Variants in LRP5 observed in about 807,000 individuals in gnomAD.
The protein encoded by LRP5 is LDL receptor related protein 5, also known as low-density lipoprotein receptor-related protein 5.
In LRP5, 62 loss-of-function variants were observed where a neutral mutation model predicts 154.1. That is an observed-to-expected ratio of 0.40 (90% CI 0.33 to 0.50). LRP5 has a LOEUF of 0.50. Ranked by LOEUF, LRP5 falls within the 20% of genes least tolerant of loss-of-function variation. LRP5 has a pLI of 0.55. For missense variants in LRP5, 1,915 were observed against 2,336.7 expected (o/e 0.82, Z 3.72); for synonymous variants, 966 against 1,011.5 (o/e 0.96, Z 0.85).
At chr11:68,431,269 C>T (rs1420165141) in intron 17 of LRP5, among the ~76,000 whole-genome samples, 4 of 127,950 alleles carry the variant, frequency 3.1e-5, no homozygotes, top group Admixed American at 9.2e-5. Flanking sequence ...GATGGAGTCT[C>T]GCTTTTTTCG....
rs1335197449 is a variant in LRP5 at position 68,386,649 on chromosome 11, G to A, written c.1349G>A (p.Arg450His). 5 of 1,613,438 alleles carry A rather than the reference G, an allele frequency of 3.1e-6. No homozygotes were observed. Among genetic ancestry groups the A allele is most frequent in the South Asian group, 1.1e-5 (1 of 91,082 alleles). The change falls in exon 6 of 23, where the codon CGC becomes CAC. Residue 450 changes from arginine (R) to histidine (H), a missense_variant. By Grantham distance (29) the Arg-to-His change is conservative (BLOSUM62 0). Around this residue, in one of 3 missense-constraint regions of LRP5, gnomAD observed 773 missense variants for 1,100.9 expected, o/e 0.70. Transcript: ENST00000294304. This position sits in a 1 kb window ranked among gnomAD's most constrained non-coding sequence, Gnocchi z 7.9. ...GTGACGCGCCTCAACGGCACCTCCCGCAAGATCCTGGTGTCGGAGGACCTG... is the reference window on the plus strand; with the variant it reads ...GTGACGCGCCTCAACGGCACCTCCCACAAGATCCTGGTGTCGGAGGACCTG... ...IEVTRLNGTS[R>H]KILVSEDLDE...
intron 18 of LRP5, among the ~76,000 whole-genome samples, chr11:68,434,854 G>A (rs375940168): frequency 5.9e-5 from 9 of 152,292 alleles, no homozygotes; most frequent in African/African-American, 2.2e-4. Context: ...TTCACAAAGA[G>A]CAGACATTTC....
chr11:68,306,207 C>T, the LRP5 span, among the ~76,000 whole-genome samples: 2 of 152,194 alleles, frequency 1.3e-5, no homozygotes, highest in African/African-American at 2.4e-5. Flanking sequence ...GCGATCTTGG[C>T]TCACTGCAAC....
chr11:68,304,217 C>T, the LRP5 span, among the ~76,000 whole-genome samples: 1 of 152,238 alleles, frequency 6.6e-6, no homozygotes, highest in Non-Finnish European at 1.5e-5. Flanking sequence ...ACACTGCTCC[C>T]TGCCTGCATC....
intron 8 of LRP5, 149 bp downstream of exon 8, chr11:68,403,848 G>T: frequency 1.1e-6 from 1 of 884,758 alleles, no homozygotes. Context: ...TCTGGCCAAG[G>T]ACAGATGGGA....
chr11:68,306,060 A>G, the LRP5 span, among the ~76,000 whole-genome samples: 1 of 152,146 alleles, frequency 6.6e-6, no homozygotes, highest in African/African-American at 2.4e-5. Flanking sequence ...TTGTGGCTGC[A>G]TGGCTCCAAC....
At chr11:68,311,283 T>TGGCC (rs962374895), upstream of LRP5, among the ~76,000 whole-genome samples, 1 of 152,212 alleles carries the variant, frequency 6.6e-6, no homozygotes, top group African/African-American at 2.4e-5. Flanking sequence ...TGGCCCTGGC[T>TGGCC]GGCCTCTCCT....
intron 1 of LRP5, among the ~76,000 whole-genome samples, chr11:68,323,802 A>G (rs1234139021): frequency 2.0e-5 from 3 of 152,238 alleles, no homozygotes. Flanking sequence ...GAACACGAAG[A>G]GAGTGTCACC....
At chr11:68,416,209 G>A (rs1591301437) in intron 12 of LRP5, 119 bp from the exon 13 acceptor site, 4 of 832,836 alleles carry the variant, frequency 4.8e-6, no homozygotes, top group Admixed American at 1.8e-5. Flanking sequence ...CGTCTTTCCC[G>A]TGGACCTCCA....
intron 2 of LRP5, among the ~76,000 whole-genome samples, chr11:68,352,082 G>A (rs1021763917): frequency 1.3e-5 from 2 of 152,176 alleles, no homozygotes; most frequent in African/African-American, 4.8e-5. Context: ...GGCATCCCCT[G>A]GTGGCTGGAG....
intron 3 of LRP5, among the ~76,000 whole-genome samples, chr11:68,361,359 G>A (rs182178692): frequency 1.1e-4 from 17 of 150,536 alleles, no homozygotes; most frequent in South Asian, 2.1e-4. Flanking sequence ...AAGTAAGGCC[G>A]GGCGTGGTGG....
chr11:68,436,224 G>A (rs1391599377), intron 18 of LRP5, among the ~76,000 whole-genome samples: 4 of 152,182 alleles, frequency 2.6e-5, no homozygotes, highest in Admixed American at 2.6e-4. Flanking sequence ...TACAAGGACA[G>A]GGTCCCCTTA....
chr11:68,373,824 C>T (rs1307188605), intron 5 of LRP5, among the ~76,000 whole-genome samples: 2 of 152,252 alleles, frequency 1.3e-5, no homozygotes, highest in African/African-American at 4.8e-5. Context: ...GCCACCCCTC[C>T]AGCCCCATCC....
intron 10 of LRP5, 120 bp downstream of exon 10, chr11:68,410,260 C>A: frequency 1.2e-6 from 1 of 813,128 alleles, no homozygotes; most frequent in African/African-American, 1.7e-5. Context: ...GCTGTACTGA[C>A]GTCATTAGCC....
At chr11:68,300,944 GAGA>G in the LRP5 span, among the ~76,000 whole-genome samples, 1 of 143,986 alleles carries the variant, frequency 6.9e-6, no homozygotes, top group East Asian at 2.0e-4. Context: ...TTATTTTTTT[GAGA>G]GAGAGTTTCG....
intron 2 of LRP5, among the ~76,000 whole-genome samples, chr11:68,348,695 G>C (rs1034260672): frequency 7.9e-5 from 12 of 152,276 alleles, no homozygotes; most frequent in African/African-American, 2.7e-4. Context: ...TGTAATCCCA[G>C]CACTCTGGGA....
At chr11:68,344,146 A>G (rs2098610788) in intron 1 of LRP5, among the ~76,000 whole-genome samples, 1 of 152,114 alleles carries the variant, frequency 6.6e-6, no homozygotes, top group Non-Finnish European at 1.5e-5. Flanking sequence ...TGTGAGCTGC[A>G]TAGTTGTCGC....
rs1264851749 is a variant in LRP5, at chr11:68,409,062, A to AT, written c.2092-852_2092-851insT. On this transcript the variant is annotated intron_variant, in intron 9 of 22. Coordinates refer to ENST00000294304, the MANE Select transcript of LRP5 (RefSeq NM_002335.4). The stretch of plus-strand genomic sequence containing the variant: ...AAGACTTATCTGGGGAAAAAAAAAA[A>AT]AAAAAAAAAAAATATATATATATAT... Among the ~76,000 whole-genome samples the AT allele has an allele frequency of 8.6e-4, 32 of 37,090 alleles. 1 individual carries two copies. The highest frequency in any genetic ancestry group is 2.5e-3 in the African/African-American group (30 of 11,922). 24.3% of individuals were successfully genotyped at this position (37,090 alleles called of 152,430 possible). A position where few individuals can be genotyped will look rare whatever the true frequency, so the allele number is the denominator to read the frequency against.
chr11:68,401,641 C>T lies in LRP5; in HGVS notation c.1585-1842C>T, dbSNP rs150345245. Reference sequence around the variant, plus strand: ...GAGCCCCTTGGGGGCAGAGCTGAGGCGGGGCCTGGCTTTGGGTCCCAGAGC... The same window carrying T: ...GAGCCCCTTGGGGGCAGAGCTGAGGTGGGGCCTGGCTTTGGGTCCCAGAGC... On this transcript the variant is annotated intron_variant, in intron 7 of 22. Coordinates refer to ENST00000294304, the MANE Select transcript of LRP5 (RefSeq NM_002335.4). Among the ~76,000 whole-genome samples, 836 of 152,158 alleles carry T rather than the reference C, an allele frequency of 5.5e-3. 7 individuals are homozygous for T. The highest frequency in any genetic ancestry group is 0.051 in the Middle Eastern group (15 of 294).
Sources: gnomAD v4.1 joint callset for allele counts (sites outside exome capture counted in the v4.1 genomes callset) on GRCh38, gnomAD v4.1.1 for gene constraint, gnomAD v4.1.1 regional missense constraint, Gnocchi (gnomAD v3.1) non-coding constraint, MANE v1.5 for transcripts, NCBI Gene and HGNC (gene_info 2026-07-23, HGNC 2026-07-21) for gene names.